DPYD: variants seen among roughly 807,000 people sequenced by gnomAD.
The protein encoded by DPYD is dihydropyrimidine dehydrogenase, also known as dihydropyrimidine dehydrogenase [NADP(+)].
A neutral mutation model predicts 116.2 loss-of-function variants in DPYD; 109 were observed. The observed-to-expected ratio is 0.94, with a 90% CI of 0.80 to 1.10. DPYD has a LOEUF of 1.10. Among genes scored for constraint, DPYD ranks in the 50% least tolerant of loss-of-function variants. The pLI, the probability that DPYD is intolerant of heterozygous loss-of-function variation, is 0.00. For synonymous variants in DPYD, 440 were observed against 432.0 expected (o/e 1.02, Z -0.23); for missense variants, 1,302 against 1,254.5 (o/e 1.04, Z -0.57).
At chr1:97,689,102 T>C (rs1660881706) in intron 7 of DPYD, among the ~76,000 whole-genome samples, 1 of 149,270 alleles carries the variant, frequency 6.7e-6, no homozygotes, top group Non-Finnish European at 1.5e-5. Context: ...ATTGAAATTG[T>C]GGAAGAAAAA....
At chr1:97,496,359 T>G (rs779835403) in intron 13 of DPYD, among the ~76,000 whole-genome samples, 1 of 152,086 alleles carries the variant, frequency 6.6e-6, no homozygotes, top group Non-Finnish European at 1.5e-5. Context: ...AATTTGTCAA[T>G]GAACATGTTC....
At chr1:97,253,023 GA>G (rs1235053122) in intron 18 of DPYD, among the ~76,000 whole-genome samples, 6 of 151,970 alleles carry the variant, frequency 3.9e-5, no homozygotes, top group Non-Finnish European at 8.8e-5. Flanking sequence ...AAAAGTTTCA[GA>G]AAAAAATGAT....
Position 97,267,056 on chromosome 1 carries a change from C to G in DPYD, c.2300-32062G>C, listed in dbSNP as rs938764653. Among the ~76,000 whole-genome samples, 18 of 152,194 alleles carry G rather than the reference C, an allele frequency of 1.2e-4. No individual in the cohort carries two copies. In the Middle Eastern group the frequency reaches 0.01, roughly 86 times the overall value. On this transcript the variant is annotated intron_variant, in intron 18 of 22. Transcript: ENST00000370192. ...TTGGGTATATACCCCGTAATGGGAT[C>G]ACTGGGTCAAATGGTATTTCTAGTT...
At chr1:97,908,373 A>T (rs1673755354) in intron 1 of DPYD, among the ~76,000 whole-genome samples, 1 of 151,814 alleles carries the variant, frequency 6.6e-6, no homozygotes, top group South Asian at 2.1e-4. Flanking sequence ...GTATCTTCCC[A>T]TCATATTTCC....
intron 16 of DPYD, among the ~76,000 whole-genome samples, chr1:97,370,919 A>G (rs1297001856): frequency 1.3e-5 from 2 of 152,158 alleles, no homozygotes; most frequent in Admixed American, 1.3e-4. Context: ...ACACAATGCA[A>G]TTTCCCAAGG....
chr1:97,482,118 G>A (rs1040151429), intron 13 of DPYD, among the ~76,000 whole-genome samples: 4 of 152,098 alleles, frequency 2.6e-5, no homozygotes, highest in South Asian at 4.1e-4. Context: ...TTGAACAAGC[G>A]TAGTGCTGGT....
chr1:97,907,992 T>C (rs1673728181), intron 1 of DPYD, among the ~76,000 whole-genome samples: 1 of 152,084 alleles, frequency 6.6e-6, no homozygotes, highest in African/African-American at 2.4e-5. Flanking sequence ...CTCTGGCTGG[T>C]TGATGCATCA....
intron 14 of DPYD, among the ~76,000 whole-genome samples, chr1:97,418,068 T>C (rs968286416): frequency 6.6e-6 from 1 of 152,232 alleles, no homozygotes; most frequent in African/African-American, 2.4e-5. Context: ...AAGGATTTAG[T>C]AAATAAGTTA....
intron 3 of DPYD, among the ~76,000 whole-genome samples, chr1:97,779,213 T>G (rs1666589931): frequency 6.6e-6 from 1 of 152,182 alleles, no homozygotes; most frequent in South Asian, 2.1e-4. Context: ...TGCTGGCAAG[T>G]AACCTAAAAT....
chr1:97,697,232 A>G (rs183976823), intron 6 of DPYD, among the ~76,000 whole-genome samples: 11 of 152,224 alleles, frequency 7.2e-5, no homozygotes, highest in Admixed American at 3.9e-4. Flanking sequence ...TGGAGATTAA[A>G]TCCTAGATAT....
intron 8 of DPYD, among the ~76,000 whole-genome samples, chr1:97,608,064 C>A (rs2100741055): frequency 6.6e-6 from 1 of 151,906 alleles, no homozygotes; most frequent in South Asian, 2.1e-4. Context: ...TCTATAATAG[C>A]CACATGGGGA....
At chr1:97,273,469 T>C (rs1664730490) in intron 18 of DPYD, among the ~76,000 whole-genome samples, 1 of 152,190 alleles carries the variant, frequency 6.6e-6, no homozygotes, top group African/African-American at 2.4e-5. Flanking sequence ...ATTACCTCCA[T>C]ACTGACTGCA....
At chr1:97,693,975 C>A (rs1661166512) in intron 6 of DPYD, among the ~76,000 whole-genome samples, 1 of 152,100 alleles carries the variant, frequency 6.6e-6, no homozygotes, top group African/African-American at 2.4e-5. Context: ...AAGGAAGGAA[C>A]ACCTAACCTA....
intron 21 of DPYD, among the ~76,000 whole-genome samples, chr1:97,091,806 G>A (rs918132070): frequency 6.6e-6 from 1 of 152,096 alleles, no homozygotes; most frequent in Non-Finnish European, 1.5e-5. Context: ...TGTTACAATA[G>A]CTTCTAACTG....
At chr1:97,125,613 C>A (rs972722704) in intron 20 of DPYD, among the ~76,000 whole-genome samples, 2 of 151,966 alleles carry the variant, frequency 1.3e-5, no homozygotes, top group Non-Finnish European at 2.9e-5. Flanking sequence ...TATATTGAAA[C>A]CCCAACCTCC....
chr1:97,350,455 T>C (rs1217166227), intron 16 of DPYD, among the ~76,000 whole-genome samples: 1 of 152,170 alleles, frequency 6.6e-6, no homozygotes, highest in Non-Finnish European at 1.5e-5. Flanking sequence ...TTATATTTAC[T>C]CCTCCATATA....
At chr1:97,098,003 G>C (rs1650389846) in intron 21 of DPYD, among the ~76,000 whole-genome samples, 1 of 152,062 alleles carries the variant, frequency 6.6e-6, no homozygotes, top group African/African-American at 2.4e-5. Context: ...TGTAATTTTT[G>C]TTATTACCAG....
chr1:97,671,740 T>C (rs992889332), intron 8 of DPYD, among the ~76,000 whole-genome samples: 2 of 151,960 alleles, frequency 1.3e-5, no homozygotes, highest in Non-Finnish European at 2.9e-5. Flanking sequence ...CAACACCAAC[T>C]CTCATAAATG....
chr1:97,540,625 T>C (rs1048281341), intron 12 of DPYD, among the ~76,000 whole-genome samples: 3 of 152,148 alleles, frequency 2.0e-5, no homozygotes, highest in African/African-American at 4.8e-5. Context: ...CAGAACCTAG[T>C]CCATTTGAGT....
Sources: gnomAD v4.1 joint callset for allele counts (sites outside exome capture counted in the v4.1 genomes callset) on GRCh38, gnomAD v4.1.1 for gene constraint, MANE v1.5 for transcripts, NCBI Gene and HGNC (gene_info 2026-07-23, HGNC 2026-07-21) for gene names.